SCG5: variants seen among roughly 807,000 people sequenced by gnomAD.
SCG5 encodes the protein secretogranin V, also known as neuroendocrine protein 7B2.
Under a neutral mutation model 25.7 loss-of-function variants are expected in SCG5, and 18 were observed. The observed-to-expected ratio is 0.70, with a 90% confidence interval of 0.48 to 1.04. The LOEUF (loss-of-function observed/expected upper bound fraction) is 1.04, where lower values mean the gene tolerates loss of function less well. Among genes scored for constraint, SCG5 ranks in the 50% least tolerant of loss-of-function variants. The probability of loss-of-function intolerance (pLI) is 0.00; values close to 1 mark genes in which losing one functional copy is unlikely to be tolerated. For synonymous variants in SCG5, 101 were observed against 91.7 expected, an observed-to-expected ratio of 1.10 and a Z score of -0.58; for missense variants, 206 against 259.8, an observed-to-expected ratio of 0.79 and a Z score of 1.42.
At chr15:32,654,823 T>C (rs1297336735) in intron 2 of SCG5, among the ~76,000 whole-genome samples, 1 of 152,162 alleles carries the variant, frequency 6.6e-6, no homozygotes, top group Non-Finnish European at 1.5e-5. Flanking sequence ...CCTTGCCATA[T>C]TTGCTCCCTT....
At chr15:32,665,542 T>C (rs555495245) in intron 2 of SCG5, among the ~76,000 whole-genome samples, 2 of 152,310 alleles carry the variant, frequency 1.3e-5, no homozygotes, top group African/African-American at 4.8e-5. Context: ...GTCAGAGCTG[T>C]GAATAAGTCA....
At chr15:32,662,326 T>C (rs549737024) in intron 2 of SCG5, among the ~76,000 whole-genome samples, 2 of 152,352 alleles carry the variant, frequency 1.3e-5, no homozygotes, top group South Asian at 4.1e-4. Flanking sequence ...CTGTGCTTTC[T>C]CTCTCACTTG....
At chr15:32,686,877 G>A (rs192481097) in intron 4 of SCG5, among the ~76,000 whole-genome samples, 64 of 152,256 alleles carry the variant, frequency 4.2e-4, no homozygotes, top group African/African-American at 1.5e-3. Context: ...TTCATGTTTC[G>A]TCTGTATTCT....
intron 1 of SCG5, 117 bp from the exon 2 acceptor site, chr15:32,643,469 A>G: frequency 1.3e-6 from 1 of 764,070 alleles, no homozygotes; most frequent in Non-Finnish European, 2.2e-6. Flanking sequence ...ATTCTTTGTT[A>G]CAACCCCTTT....
intron 2 of SCG5, among the ~76,000 whole-genome samples, chr15:32,663,046 T>TAA (rs2054251475): frequency 4.3e-5 from 1 of 23,518 alleles, no homozygotes; most frequent in Admixed American, 2.8e-4. Flanking sequence ...TATATATATA[T>TAA]ATATATATAT....
chr15:32,648,927 A>G lies in SCG5; in HGVS notation c.226+5109A>G, dbSNP rs1190121807. Among the ~76,000 whole-genome samples, 7 of 151,896 alleles carry G rather than the reference A, an allele frequency of 4.6e-5. No individual in the cohort carries two copies. In the East Asian group the frequency reaches 5.8e-4, roughly 13 times the overall value. The stretch of plus-strand genomic sequence containing the variant: ...GCTGGGACTACAGGCGCCCGCCACC[A>G]CGCCCGGCTAATTTTTTGTGTTTTT... On this transcript the variant is annotated intron_variant, in intron 2 of 5. Coordinates refer to ENST00000300175, the MANE Select transcript of SCG5 (RefSeq NM_001144757.3).
intron 2 of SCG5, among the ~76,000 whole-genome samples, chr15:32,666,990 T>C (rs1490839147): frequency 6.6e-6 from 1 of 152,198 alleles, no homozygotes; most frequent in East Asian, 1.9e-4. Context: ...GTACTCTAAG[T>C]ATAAACTACA....
At chr15:32,688,903 G>A (rs1041552269) in intron 4 of SCG5, among the ~76,000 whole-genome samples, 5 of 144,956 alleles carry the variant, frequency 3.4e-5, no homozygotes, top group African/African-American at 7.8e-5. Context: ...AGCTTGCAGC[G>A]AGCCGAGATA....
intron 2 of SCG5, among the ~76,000 whole-genome samples, chr15:32,675,336 G>C (rs1341532567): frequency 6.6e-6 from 1 of 152,146 alleles, no homozygotes; most frequent in African/African-American, 2.4e-5. Flanking sequence ...CCTGTGCACT[G>C]CTAGAAATCT....
intron 2 of SCG5, among the ~76,000 whole-genome samples, chr15:32,651,162 C>T (rs968229797): frequency 1.3e-4 from 20 of 152,198 alleles, no homozygotes; most frequent in African/African-American, 3.9e-4. Flanking sequence ...TCGCCCATTG[C>T]ACTCCAGCGT....
chr15:32,649,956 A>G (rs2054007826), intron 2 of SCG5, among the ~76,000 whole-genome samples: 4 of 152,226 alleles, frequency 2.6e-5, no homozygotes, highest in Admixed American at 2.0e-4. Context: ...AAAAATAAAA[A>G]TAAAATAAAA....
At chr15:32,689,307 C>G (rs888146765) in intron 4 of SCG5, among the ~76,000 whole-genome samples, 1 of 152,134 alleles carries the variant, frequency 6.6e-6, no homozygotes, top group Non-Finnish European at 1.5e-5. Context: ...TTGGCCAGTG[C>G]GAGTCTCCTC....
intron 2 of SCG5, among the ~76,000 whole-genome samples, chr15:32,673,747 G>GTTT (rs2054484211): frequency 6.6e-6 from 1 of 152,032 alleles, no homozygotes; most frequent in Admixed American, 6.6e-5. Context: ...TTGTTTGTTT[G>GTTT]TTTTGAGACG....
chr15:32,668,678 C>T (rs2054364105), intron 2 of SCG5, among the ~76,000 whole-genome samples: 1 of 152,226 alleles, frequency 6.6e-6, no homozygotes, highest in South Asian at 2.1e-4. Flanking sequence ...TGACCTGCTT[C>T]CTCTGTGAAG....
chr15:32,644,100 A>G (rs1042524567), intron 2 of SCG5, among the ~76,000 whole-genome samples: 1 of 152,202 alleles, frequency 6.6e-6, no homozygotes, highest in African/African-American at 2.4e-5. Context: ...ACCTAGCACA[A>G]TGTCTGGTAC....
chr15:32,651,786 T>C (rs1057209286), intron 2 of SCG5, among the ~76,000 whole-genome samples: 16 of 152,176 alleles, frequency 1.1e-4, no homozygotes, highest in Non-Finnish European at 4.4e-5. Flanking sequence ...GAGGTTCTTT[T>C]TGGGAGGGGA....
intron 1 of SCG5, among the ~76,000 whole-genome samples, chr15:32,642,753 C>G (rs1287671063): frequency 2.6e-5 from 4 of 151,944 alleles, no homozygotes; most frequent in Admixed American, 1.3e-4. Flanking sequence ...TTAACTCCCT[C>G]TCACCACCAC....
At chr15:32,695,189 G>A (rs2054934515) in intron 5 of SCG5, among the ~76,000 whole-genome samples, 1 of 151,792 alleles carries the variant, frequency 6.6e-6, no homozygotes, top group Non-Finnish European at 1.5e-5. Context: ...CTAATTTTTT[G>A]TATTTTTAGT....
chr15:32,688,883 C>T lies in SCG5; in HGVS notation c.490-2827C>T, dbSNP rs531923258. Among the ~76,000 whole-genome samples the T allele has an allele frequency of 6.9e-4, 101 of 147,310 alleles. 1 individual carries two copies. The East Asian group carries it at 0.018, about 27-fold the overall frequency. The stretch of plus-strand genomic sequence containing the variant: ...CTGAGGCAGGAGAATGGCGTGAACC[C>T]AGGAGGCGGAGCTTGCAGCGAGCCG... On this transcript the variant is annotated intron_variant, in intron 4 of 5. Coordinates refer to ENST00000300175, the MANE Select transcript of SCG5 (RefSeq NM_001144757.3).
Sources: allele counts gnomAD v4.1 joint callset (sites outside exome capture counted in the v4.1 genomes callset), GRCh38; gene constraint gnomAD v4.1.1; transcripts MANE v1.5; gene names NCBI Gene and HGNC (gene_info 2026-07-23, HGNC 2026-07-21).